TPST1: variants seen among roughly 807,000 people sequenced by gnomAD.
TPST1 encodes the protein protein-tyrosine sulfotransferase 1.
TPST1 carries 20 observed loss-of-function variants against 34.8 expected under a neutral mutation model. The observed-to-expected ratio is 0.57, with a 90% CI of 0.40 to 0.84. The LOEUF is 0.84. TPST1 is among the 40% of genes least tolerant of loss of function. The pLI is 0.00. For missense variants in TPST1, 353 were observed against 455.5 expected, an observed-to-expected ratio of 0.78 and a Z score of 2.05; for synonymous variants, 152 against 159.4, an observed-to-expected ratio of 0.95 and a Z score of 0.35.
intron 3 of TPST1, among the ~76,000 whole-genome samples, chr7:66,322,335 T>G (rs949819258): frequency 4.6e-5 from 7 of 152,224 alleles, no homozygotes; most frequent in African/African-American, 1.7e-4. Flanking sequence ...TAAAACAGAT[T>G]CAGAAACTTT....
At chr7:66,266,573 G>A (rs1790596717) in intron 2 of TPST1, among the ~76,000 whole-genome samples, 1 of 152,118 alleles carries the variant, frequency 6.6e-6, no homozygotes, top group African/African-American at 2.4e-5. Context: ...AAGACTTACA[G>A]AAGAATATTT....
chr7:66,250,215 C>T (rs1190631207), intron 2 of TPST1, among the ~76,000 whole-genome samples: 1 of 152,174 alleles, frequency 6.6e-6, no homozygotes, highest in Non-Finnish European at 1.5e-5. Context: ...CCCTTTCACA[C>T]TCACCCATAG....
At chr7:66,347,015 TA>T (rs1792364932) in intron 3 of TPST1, among the ~76,000 whole-genome samples, 1 of 150,618 alleles carries the variant, frequency 6.6e-6, no homozygotes, top group South Asian at 2.1e-4. Context: ...TGGCAAGAGA[TA>T]GGGGTCTAGT....
Position 66,240,842 on chromosome 7 carries a change from A to T in TPST1, c.417A>T (p.Gln139His). 1 of 1,614,200 alleles carries T rather than the reference A, an allele frequency of 6.2e-7. No individual in the cohort carries two copies. Among genetic ancestry groups the T allele is most frequent in the Non-Finnish European group, 8.5e-7 (1 of 1,180,032 alleles). The change falls in exon 2 of 6, where the codon CAA becomes CAT. Residue 139 changes from glutamine (Q) to histidine (H), a missense_variant. Gln to His is a conservative substitution (Grantham distance 24). Transcript: ENST00000304842. ...VTDEVLDSAM[Q>H]AFLLEIIVKH... ...ATGAAGTGCTGGATTCTGCCATGCAAGCCTTCTTACTAGAAATTATCGTTA... is the reference window on the plus strand; with the variant it reads ...ATGAAGTGCTGGATTCTGCCATGCATGCCTTCTTACTAGAAATTATCGTTA...
upstream of TPST1, among the ~76,000 whole-genome samples, chr7:66,200,791 G>A (rs775780064): frequency 1.3e-5 from 2 of 151,678 alleles, no homozygotes; most frequent in African/African-American, 2.4e-5. Context: ...CAGTTGCACA[G>A]TCTCCGCTCA....
chr7:66,243,323 T>C (rs1790075853), intron 2 of TPST1, among the ~76,000 whole-genome samples: 1 of 152,230 alleles, frequency 6.6e-6, no homozygotes. Flanking sequence ...TAGGCTACAA[T>C]TGTTTTTTAA....
intron 3 of TPST1, among the ~76,000 whole-genome samples, chr7:66,321,144 G>A (rs997428837): frequency 6.6e-6 from 1 of 152,200 alleles, no homozygotes; most frequent in East Asian, 1.9e-4. Flanking sequence ...AGTCAAGAAA[G>A]GGAAAAGGCA....
intron 3 of TPST1, among the ~76,000 whole-genome samples, chr7:66,328,886 C>CTCTCTCTATATATA (rs757168858): frequency 4.1e-4 from 9 of 22,094 alleles, no homozygotes; most frequent in East Asian, 9.6e-4. Context: ...CTCTCTCTCT[C>CTCTCTCTATATATA]TATATATATA....
intron 1 of TPST1, among the ~76,000 whole-genome samples, chr7:66,214,790 G>T (rs997122592): frequency 1.8e-4 from 27 of 150,314 alleles, no homozygotes; most frequent in Non-Finnish European, 2.8e-4. Context: ...GGGCGACAGT[G>T]TGAGACCCTG....
intron 3 of TPST1, among the ~76,000 whole-genome samples, chr7:66,320,883 C>T (rs985860360): frequency 1.3e-5 from 2 of 152,196 alleles, no homozygotes; most frequent in Non-Finnish European, 2.9e-5. Flanking sequence ...CAGTTGTGAG[C>T]CACCGTGCCC....
intron 3 of TPST1, among the ~76,000 whole-genome samples, chr7:66,335,918 AC>A (rs1241488719): frequency 7.9e-5 from 12 of 152,360 alleles, no homozygotes; most frequent in African/African-American, 2.9e-4. Context: ...GAAATATGAC[AC>A]CACCAAAAGA....
intron 2 of TPST1, among the ~76,000 whole-genome samples, chr7:66,265,549 CA>C (rs61289876): frequency 0.85 from 109,189 of 129,166 alleles, 45,473 homozygotes; most frequent in African/African-American, 0.88. Context: ...AACCCTGTCT[CA>C]AAAAAAAAAA....
At chr7:66,213,831 A>T (rs1488042119) in intron 1 of TPST1, among the ~76,000 whole-genome samples, 1 of 151,568 alleles carries the variant, frequency 6.6e-6, no homozygotes, top group Non-Finnish European at 1.5e-5. Flanking sequence ...GGCATCTGTT[A>T]ATTGTCTTTT....
At chr7:66,279,327 A>T (rs2115875913) in intron 2 of TPST1, among the ~76,000 whole-genome samples, 2 of 152,160 alleles carry the variant, frequency 1.3e-5, no homozygotes, top group South Asian at 2.1e-4. Context: ...CATCCAGTCC[A>T]CTGTTGTGGG....
chr7:66,340,033 G>A (rs912965901), intron 3 of TPST1, among the ~76,000 whole-genome samples: 3 of 151,804 alleles, frequency 2.0e-5, no homozygotes, highest in African/African-American at 4.8e-5. Context: ...CTCAACAAAC[G>A]GTATAGAAGG....
intron 3 of TPST1, among the ~76,000 whole-genome samples, chr7:66,323,563 T>A (rs1385040341): frequency 6.6e-6 from 1 of 152,230 alleles, no homozygotes; most frequent in Non-Finnish European, 1.5e-5. Context: ...AAATCCAAAT[T>A]GGGCTGCATC....
chr7:66,279,764 G>A (rs1790895922), intron 2 of TPST1, among the ~76,000 whole-genome samples: 1 of 152,176 alleles, frequency 6.6e-6, no homozygotes, highest in Non-Finnish European at 1.5e-5. Flanking sequence ...AGGGCCCAGA[G>A]ATGTGGAAAT....
At chr7:66,263,747 G>A (rs1169032113) in intron 2 of TPST1, among the ~76,000 whole-genome samples, 3 of 152,192 alleles carry the variant, frequency 2.0e-5, no homozygotes, top group African/African-American at 7.2e-5. Context: ...GGCATTTCAA[G>A]TGGTTTAAAA....
Position 66,299,294 on chromosome 7 carries a change from CTTAGGTTTTTTT to C in TPST1, c.1044+12588_1044+12599del, listed in dbSNP as rs752884685. On this transcript the variant is annotated intron_variant, in intron 3 of 5. Transcript: ENST00000304842. ...TAAAGACATGTTGACTACTAATGCT[CTTAGGTTTTTTT>C]TTTTTTTTTTAATTTGAAAATGTGT... Among the ~76,000 whole-genome samples the C allele has an allele frequency of 2.3e-4, 19 of 83,794 alleles. No homozygotes were observed. The South Asian group carries it at 6.3e-3, about 28-fold the overall frequency. 55.0% of individuals were successfully genotyped at this position (83,794 alleles called of 152,430 possible). A position where few individuals can be genotyped will look rare whatever the true frequency, so the allele number is the denominator to read the frequency against.
Sources: gnomAD v4.1 joint callset for allele counts (sites outside exome capture counted in the v4.1 genomes callset) on GRCh38, gnomAD v4.1.1 for gene constraint, MANE v1.5 for transcripts, NCBI Gene and HGNC (gene_info 2026-07-23, HGNC 2026-07-21) for gene names.